TMEM233: variants seen among roughly 807,000 people sequenced by gnomAD.
The protein encoded by TMEM233 is transmembrane protein 233.
A neutral mutation model predicts 11.2 loss-of-function variants in TMEM233; 6 were observed. That is an observed-to-expected ratio of 0.54 (90% CI 0.29 to 1.06). The LOEUF is 1.06. Ranked by LOEUF, TMEM233 falls within the 50% of genes least tolerant of loss-of-function variation. The probability of loss-of-function intolerance (pLI) is 0.08; values close to 1 mark genes in which losing one functional copy is unlikely to be tolerated. For missense variants in TMEM233, 127 were observed against 144.7 expected, an observed-to-expected ratio of 0.88 and a Z score of 0.63; for synonymous variants, 59 against 55.8, an observed-to-expected ratio of 1.06 and a Z score of -0.26.
the TMEM233 span, among the ~76,000 whole-genome samples, chr12:119,651,637 T>A: frequency 7.0e-6 from 1 of 143,126 alleles, no homozygotes; most frequent in Non-Finnish European, 1.5e-5. Context: ...GCCAACATGG[T>A]GAAACCCCGT....
chr12:119,597,704 C>T (rs1954075184), intron 1 of TMEM233, among the ~76,000 whole-genome samples: 1 of 152,158 alleles, frequency 6.6e-6, no homozygotes, highest in South Asian at 2.1e-4. Flanking sequence ...GGAGGTGGCA[C>T]ACTACAGACA....
Position 119,628,452 on chromosome 12 carries a change from C to G in TMEM233, c.187-1284C>G, listed in dbSNP as rs1161728601. Among the ~76,000 whole-genome samples the G allele has an allele frequency of 1.1e-4, 16 of 149,672 alleles. No homozygotes were observed. The Admixed American group carries it at 1.1e-3, about 10-fold the overall frequency. On this transcript the variant is annotated intron_variant, in intron 1 of 2. Coordinates refer to ENST00000426426, the MANE Select transcript of TMEM233 (RefSeq NM_001136534.3). ...CTGGGATTACAGGCGTGAGCCAGCA[C>G]GCCCGGCCTAAAGCTGCTTTCTTCT...
the TMEM233 span, among the ~76,000 whole-genome samples, chr12:119,650,628 TTTGTTG>T: frequency 1.5e-3 from 220 of 151,390 alleles, 1 homozygote; most frequent in Admixed American, 0.01. Flanking sequence ...CTTATTTGAT[TTTGTTG>T]TTGTTGTTGT....
downstream of TMEM233, among the ~76,000 whole-genome samples, chr12:119,646,007 G>A (rs1404788851): frequency 3.9e-5 from 6 of 151,908 alleles, no homozygotes; most frequent in African/African-American, 1.2e-4. Context: ...AGAAGGGAAG[G>A]TAAATAAATA....
intron 1 of TMEM233, among the ~76,000 whole-genome samples, chr12:119,625,943 T>C (rs1428792780): frequency 1.3e-5 from 2 of 152,222 alleles, no homozygotes; most frequent in Non-Finnish European, 2.9e-5. Flanking sequence ...TAATTGCTAC[T>C]TATTTATTAA....
At chr12:119,605,239 C>A (rs898070465) in intron 1 of TMEM233, among the ~76,000 whole-genome samples, 14 of 151,938 alleles carry the variant, frequency 9.2e-5, no homozygotes, top group African/African-American at 3.4e-4. Context: ...CATATTGACA[C>A]AATTTCACTT....
At chr12:119,620,574 A>G (rs1274957448) in intron 1 of TMEM233, among the ~76,000 whole-genome samples, 1 of 152,242 alleles carries the variant, frequency 6.6e-6, no homozygotes, top group Non-Finnish European at 1.5e-5. Flanking sequence ...CTTAAAAAGA[A>G]TAAGAGAACC....
chr12:119,632,480 G>A (rs1240677842), intron 2 of TMEM233, among the ~76,000 whole-genome samples: 2 of 152,202 alleles, frequency 1.3e-5, no homozygotes, highest in Non-Finnish European at 2.9e-5. Flanking sequence ...TTGATTTACG[G>A]GGGAATGGTA....
rs3078447 is a variant in TMEM233, at chr12:119,621,044, C to CTT, written c.187-8674_187-8673dup. ...TACAGGTACATGCCACCATACCTGG[C>CTT]TTTTTTTTTTTTTTTTTTTCTGAAA... On this transcript the variant is annotated intron_variant, in intron 1 of 2. Coordinates refer to ENST00000426426, the MANE Select transcript of TMEM233 (RefSeq NM_001136534.3). 5.8e-3 allele frequency among the ~76,000 whole-genome samples: 702 copies of CTT among 120,396 alleles called. 8 individuals are homozygous for CTT. Among genetic ancestry groups the CTT allele is most frequent in the African/African-American group, 0.021 (669 of 32,002 alleles). The allele number at this position is 120,396 out of a possible 152,430, so 79.0% of individuals were successfully genotyped here.
chr12:119,652,685 T>G, the TMEM233 span, among the ~76,000 whole-genome samples: 1 of 152,186 alleles, frequency 6.6e-6, no homozygotes, highest in Non-Finnish European at 1.5e-5. Flanking sequence ...AATCTGAATA[T>G]AAACTCCCCT....
At chr12:119,647,781 A>AC (rs370583902), downstream of TMEM233, among the ~76,000 whole-genome samples, 444 of 86,716 alleles carry the variant, frequency 5.1e-3, no homozygotes, top group African/African-American at 0.018. Context: ...TTTGCCCCCC[A>AC]CCCCCCCGAC....
intron 2 of TMEM233, among the ~76,000 whole-genome samples, chr12:119,638,711 T>G (rs1251722153): frequency 6.6e-6 from 1 of 152,070 alleles, no homozygotes; most frequent in Non-Finnish European, 1.5e-5. Flanking sequence ...GAGTGATGTA[T>G]TCATATGATG....
intron 1 of TMEM233, among the ~76,000 whole-genome samples, chr12:119,610,017 C>T (rs1456948937): frequency 6.6e-6 from 1 of 152,186 alleles, no homozygotes; most frequent in African/African-American, 2.4e-5. Context: ...CAACACCAGC[C>T]ATGGAAGCAA....
chr12:119,637,331 A>T (rs1202718459), intron 2 of TMEM233, among the ~76,000 whole-genome samples: 1 of 152,216 alleles, frequency 6.6e-6, no homozygotes, highest in African/African-American at 2.4e-5. Flanking sequence ...CAAGGTTTTC[A>T]TTAAGGAAAA....
intron 2 of TMEM233, among the ~76,000 whole-genome samples, chr12:119,638,238 T>A (rs572106491): frequency 1.3e-4 from 20 of 152,216 alleles, no homozygotes; most frequent in African/African-American, 4.8e-4. Flanking sequence ...AACAGGAGGA[T>A]CACTAGAGCT....
intron 1 of TMEM233, among the ~76,000 whole-genome samples, chr12:119,609,777 A>G (rs558743805): frequency 6.6e-6 from 1 of 152,354 alleles, no homozygotes; most frequent in Non-Finnish European, 1.5e-5. Flanking sequence ...CAGAGGATGT[A>G]TGGAAATGCC....
chr12:119,636,447 G>A (rs1954970637), intron 2 of TMEM233, among the ~76,000 whole-genome samples: 1 of 152,128 alleles, frequency 6.6e-6, no homozygotes, highest in African/African-American at 2.4e-5. Context: ...TCCCTGGAAA[G>A]TTTACACACC....
intron 1 of TMEM233, among the ~76,000 whole-genome samples, chr12:119,624,796 C>T (rs1954716374): frequency 6.6e-6 from 1 of 152,062 alleles, no homozygotes; most frequent in Non-Finnish European, 1.5e-5. Context: ...GTACATAATG[C>T]CACTAAACAG....
chr12:119,611,997 C>CT (rs536116475), intron 1 of TMEM233, among the ~76,000 whole-genome samples: 82 of 147,088 alleles, frequency 5.6e-4, no homozygotes, highest in Admixed American at 7.5e-4. Context: ...CATAGATATT[C>CT]TTTTTTTTTT....
Sources: gnomAD v4.1 joint callset for allele counts (sites outside exome capture counted in the v4.1 genomes callset) on GRCh38, gnomAD v4.1.1 for gene constraint, MANE v1.5 for transcripts, NCBI Gene and HGNC (gene_info 2026-07-23, HGNC 2026-07-21) for gene names.